The following VWA5B1 variants were observed in gnomAD, a reference collection of about 807,000 sequenced individuals.
VWA5B1 encodes the protein von Willebrand factor A domain containing 5B1.
VWA5B1 carries 115 observed loss-of-function variants against 118.2 expected under a neutral mutation model. That is an observed-to-expected ratio of 0.97 (90% confidence interval 0.84 to 1.14). VWA5B1 has a LOEUF of 1.14. Among genes scored for constraint, VWA5B1 ranks in the 50% most tolerant of loss-of-function variants. VWA5B1 has a pLI of 0.00. For missense variants in VWA5B1, 1,596 were observed against 1,603.8 expected (o/e 1.00, Z 0.08); for synonymous variants, 682 against 658.4 (o/e 1.04, Z -0.55).
intron 19 of VWA5B1, among the ~76,000 whole-genome samples, chr1:20,350,437 A>G (rs1196799256): frequency 6.6e-6 from 1 of 152,140 alleles, no homozygotes; most frequent in Non-Finnish European, 1.5e-5. Flanking sequence ...GTCACAGAGT[A>G]CTCTGGTGAC....
intron 8 of VWA5B1, among the ~76,000 whole-genome samples, chr1:20,326,678 T>C (rs988171970): frequency 1.3e-5 from 2 of 152,112 alleles, no homozygotes; most frequent in African/African-American, 2.4e-5. Context: ...CTCGAACTCC[T>C]GACCTCATGA....
At chr1:20,325,855 T>C (rs1367805046) in intron 8 of VWA5B1, among the ~76,000 whole-genome samples, 1 of 152,208 alleles carries the variant, frequency 6.6e-6, no homozygotes, top group Non-Finnish European at 1.5e-5. Context: ...GAAGGTTGCT[T>C]GGGTCCTTAA....
chr1:20,302,040 T>A (rs903603185), intron 1 of VWA5B1, among the ~76,000 whole-genome samples: 1 of 152,176 alleles, frequency 6.6e-6, no homozygotes, highest in African/African-American at 2.4e-5. Context: ...CAAATGTGGA[T>A]GTGTCTATTT....
chr1:20,330,407 C>T (rs1281850946), intron 10 of VWA5B1, 25 bp downstream of exon 10: 24 of 1,550,336 alleles, frequency 1.5e-5, no homozygotes, highest in Non-Finnish European at 2.0e-5. Flanking sequence ...AGGGTCTAGG[C>T]TCGGTGACTC....
At chr1:20,291,338 T>G (rs1166751174) in intron 1 of VWA5B1, among the ~76,000 whole-genome samples, 12 of 138,454 alleles carry the variant, frequency 8.7e-5, no homozygotes, top group African/African-American at 3.3e-4. Flanking sequence ...GCTCTCTCTC[T>G]CTCTTTCTTT....
chr1:20,301,431 A>C (rs941585415), intron 1 of VWA5B1, among the ~76,000 whole-genome samples: 3 of 152,248 alleles, frequency 2.0e-5, no homozygotes, highest in Non-Finnish European at 4.4e-5. Context: ...ATTTCAAAGA[A>C]GCATCCAATG....
intron 6 of VWA5B1, 41 bp from the exon 7 acceptor site, chr1:20,319,341 G>T: frequency 6.5e-7 from 1 of 1,546,806 alleles, no homozygotes; most frequent in Non-Finnish European, 8.7e-7. Flanking sequence ...CTTCTCCTAC[G>T]ATACCTGGCC....
intron 9 of VWA5B1, 74 bp from the exon 10 acceptor site, chr1:20,330,106 A>G: frequency 6.7e-7 from 1 of 1,501,030 alleles, no homozygotes; most frequent in Non-Finnish European, 9.1e-7. Context: ...CTAGGGAAAC[A>G]AAGTCCTCTT....
chr1:20,321,477 C>T (rs1478133937), intron 7 of VWA5B1, among the ~76,000 whole-genome samples: 4 of 152,106 alleles, frequency 2.6e-5, no homozygotes, highest in South Asian at 4.1e-4. Flanking sequence ...CCCAGCTACT[C>T]GGGAGGCTGA....
intron 8 of VWA5B1, among the ~76,000 whole-genome samples, chr1:20,325,748 T>G (rs927227215): frequency 2.0e-5 from 3 of 152,200 alleles, no homozygotes; most frequent in Non-Finnish European, 4.4e-5. Context: ...GGCTTTGCAT[T>G]GGTGCCATCC....
chr1:20,313,449 C>T (rs1476001962), intron 3 of VWA5B1, among the ~76,000 whole-genome samples: 4 of 152,178 alleles, frequency 2.6e-5, no homozygotes, highest in East Asian at 1.9e-4. Context: ...GGACAATGCA[C>T]GCAGAGGACT....
intron 1 of VWA5B1, among the ~76,000 whole-genome samples, chr1:20,303,666 TG>T (rs1472919933): frequency 2.0e-5 from 3 of 152,174 alleles, no homozygotes; most frequent in Admixed American, 2.0e-4. Context: ...TGCCAGAGAC[TG>T]GGACCTAGGT....
intron 1 of VWA5B1, among the ~76,000 whole-genome samples, chr1:20,305,507 C>A (rs1273523594): frequency 6.6e-6 from 1 of 151,816 alleles, no homozygotes; most frequent in African/African-American, 2.4e-5. Flanking sequence ...ATGCATCAGC[C>A]CCCCAAGGAG....
chr1:20,348,637 T>C (rs934432390), intron 18 of VWA5B1, among the ~76,000 whole-genome samples: 7 of 152,208 alleles, frequency 4.6e-5, no homozygotes, highest in African/African-American at 1.7e-4. Flanking sequence ...TTCTGAGGTC[T>C]GCTGACCCTG....
chr1:20,296,782 C>T (rs72647030), intron 1 of VWA5B1, among the ~76,000 whole-genome samples: 1 of 152,220 alleles, frequency 6.6e-6, no homozygotes, highest in East Asian at 1.9e-4. Flanking sequence ...TTCACCCTTT[C>T]CTATGACACG....
In VWA5B1 at chr1:20,359,248, G is replaced by T. The variant is rs571383213; in HGVS notation, c.*4985G>T. On this transcript the variant is annotated 3_prime_UTR_variant, in exon 22 of 22. Coordinates refer to ENST00000289815, the MANE Select transcript of VWA5B1 (RefSeq NM_001039500.3). ...CCCATCAGAGCCTCAAGTGCCTATGGCATGCTACCCGTGCCCTTGCCTGCT... is the reference window on the plus strand; with the variant it reads ...CCCATCAGAGCCTCAAGTGCCTATGTCATGCTACCCGTGCCCTTGCCTGCT... Among the ~76,000 whole-genome samples, 1 of 152,190 alleles carries T rather than the reference G, an allele frequency of 6.6e-6. No individual in the cohort carries two copies.
intron 20 of VWA5B1, among the ~76,000 whole-genome samples, chr1:20,351,284 C>G (rs1040128068): frequency 6.6e-6 from 1 of 152,048 alleles, no homozygotes; most frequent in South Asian, 2.1e-4. Context: ...TTTGGGAGGC[C>G]GAGGCAGGAG....
chr1:20,334,813 AG>A (rs1343549439), intron 12 of VWA5B1, among the ~76,000 whole-genome samples: 3 of 152,176 alleles, frequency 2.0e-5, no homozygotes, highest in African/African-American at 7.2e-5. Context: ...TCTGTCTCCA[AG>A]AAAAAAAAAT....
At chr1:20,320,649 GGGGTGGT>G in intron 7 of VWA5B1, among the ~76,000 whole-genome samples, 1 of 152,254 alleles carries the variant, frequency 6.6e-6, no homozygotes, top group African/African-American at 2.4e-5. Flanking sequence ...TTGCCACCTT[GGGGTGGT>G]TATGCAAATA....
Sources: gnomAD v4.1 joint callset for allele counts (sites outside exome capture counted in the v4.1 genomes callset) on GRCh38, gnomAD v4.1.1 for gene constraint, MANE v1.5 for transcripts, NCBI Gene and HGNC (gene_info 2026-07-23, HGNC 2026-07-21) for gene names.